Variants in LRPAP1 observed in about 807,000 individuals in gnomAD.
LRPAP1 encodes the protein alpha-2-macroglobulin receptor-associated protein.
Under a neutral mutation model 39.9 loss-of-function variants are expected in LRPAP1, and 41 were observed. That is an observed-to-expected ratio of 1.03 (90% CI 0.80 to 1.33). LRPAP1 has a LOEUF of 1.33. Among genes scored for constraint, LRPAP1 ranks in the 40% most tolerant of loss-of-function variants. The pLI is 0.00. For missense variants in LRPAP1, 565 were observed against 482.3 expected, an observed-to-expected ratio of 1.17 and a Z score of -1.61; for synonymous variants, 263 against 212.7, an observed-to-expected ratio of 1.24 and a Z score of -2.06.
chr4:3,516,138 T>C lies in LRPAP1; in HGVS notation c.812A>G (p.Asp271Gly), dbSNP rs2108688610. Residue 271 changes from aspartate to glycine, a missense_variant, in exon 6 of 8, where the codon GAC becomes GGC. Transcript: ENST00000650182. Reference protein sequence around the residue: ...WDLAQSANLTDKELEAFREEL... With the variant: ...WDLAQSANLTGKELEAFREEL... ...TACCCGGAACGCCTCCAGCTCCTTGTCCGTGAGGTTGGCGGACTGCGCCAG... is the reference window on the plus strand; with the variant it reads ...TACCCGGAACGCCTCCAGCTCCTTGCCCGTGAGGTTGGCGGACTGCGCCAG... The C allele has an allele frequency of 6.3e-7, 1 of 1,580,982 alleles. No individual in the cohort carries two copies. Among genetic ancestry groups the C allele is most frequent in the East Asian group, 2.3e-5 (1 of 43,690 alleles).
intron 5 of LRPAP1, 69 bp downstream of exon 5, chr4:3,517,965 G>C: frequency 2.0e-6 from 3 of 1,522,684 alleles, no homozygotes; most frequent in Non-Finnish European, 2.6e-6. Context: ...GCACCTGCCT[G>C]CTTGTCCCCA....
At chr4:3,531,134 C>T (rs1424866106) in intron 1 of LRPAP1, among the ~76,000 whole-genome samples, 3 of 152,094 alleles carry the variant, frequency 2.0e-5, no homozygotes, top group Admixed American at 1.3e-4. Flanking sequence ...GAGCGTTCTC[C>T]CACCTCCCAC....
Position 3,504,457 on chromosome 4 carries a change from C to G in LRPAP1, c.*8517G>C, listed in dbSNP as rs751643217. ...GGTGAAGTCCTGTCTCTACTAAAAA[C>G]AGAAAAATTAGGCCAGGCATGGTGG... On this transcript the variant is annotated 3_prime_UTR_variant, in exon 8 of 8. Coordinates refer to ENST00000650182, the MANE Select transcript of LRPAP1 (RefSeq NM_002337.4). 1 of 151,116 alleles carries G rather than the reference C, an allele frequency of 6.6e-6. No individual in the cohort carries two copies. Among genetic ancestry groups the G allele is most frequent in the Non-Finnish European group, 1.5e-5 (1 of 67,762 alleles). 9.4% of individuals were successfully genotyped at this position (151,116 alleles called of 1,614,324 possible). A position where few individuals can be genotyped will look rare whatever the true frequency, so the allele number is the denominator to read the frequency against.
chr4:3,518,793 A>T, intron 4 of LRPAP1, 78 bp downstream of exon 4: 1 of 964,492 alleles, frequency 1.0e-6, no homozygotes, highest in Non-Finnish European at 1.5e-6. Flanking sequence ...ACTGAGCACA[A>T]CGAGCCTCAG....
intron 6 of LRPAP1, 130 bp downstream of exon 6, chr4:3,515,986 G>A (rs980319239): frequency 6.6e-6 from 6 of 910,236 alleles, no homozygotes; most frequent in African/African-American, 5.0e-5. Context: ...TCACCGAGTG[G>A]TTAAGGAAGA....
intron 1 of LRPAP1, among the ~76,000 whole-genome samples, chr4:3,530,847 C>T (rs778661776): frequency 2.6e-5 from 4 of 152,106 alleles, no homozygotes; most frequent in Non-Finnish European, 4.4e-5. Context: ...AAAAGGGAGC[C>T]GCTGGGGTTC....
chr4:3,516,054 G>A, intron 6 of LRPAP1, 62 bp downstream of exon 6: 2 of 1,490,290 alleles, frequency 1.3e-6, no homozygotes, highest in East Asian at 2.5e-5. Context: ...TCCTTACCCG[G>A]AAACTGCAAG....
intron 4 of LRPAP1, among the ~76,000 whole-genome samples, chr4:3,518,538 T>C (rs1325811922): frequency 2.0e-5 from 3 of 152,044 alleles, no homozygotes; most frequent in Admixed American, 6.5e-5. Flanking sequence ...AGTCACACAT[T>C]TGGGGAGGGT....
chr4:3,519,658 C>A (rs1423905789), intron 3 of LRPAP1, among the ~76,000 whole-genome samples: 4 of 152,252 alleles, frequency 2.6e-5, no homozygotes, highest in African/African-American at 9.6e-5. Context: ...GCCCCGCACC[C>A]TTCCCAGGCA....
rs553197741 is a variant in LRPAP1 at position 3,504,707 on chromosome 4, G to A, written c.*8267C>T. Reference sequence around the variant, plus strand: ...GGAGGTTGCAGTGAGCCAAGATTGCGCCATTGCACTGCAGCCTGAGCAATT... The same window carrying A: ...GGAGGTTGCAGTGAGCCAAGATTGCACCATTGCACTGCAGCCTGAGCAATT... On this transcript the variant is annotated 3_prime_UTR_variant, in exon 8 of 8. Transcript: ENST00000650182. Among the ~76,000 whole-genome samples, 43 of 129,528 alleles carry A rather than the reference G, an allele frequency of 3.3e-4. No homozygotes were observed. In the East Asian group the frequency reaches 4.3e-3, roughly 13 times the overall value. The allele number at this position is 129,528 out of a possible 152,430, so 85.0% of individuals were successfully genotyped here. A position where few individuals can be genotyped will look rare whatever the true frequency, so the allele number is the denominator to read the frequency against.
At chr4:3,515,864 C>T (rs1327104372) in intron 6 of LRPAP1, 7 of 546,688 alleles carry the variant, frequency 1.3e-5, no homozygotes, top group South Asian at 1.0e-4. Flanking sequence ...CGCACCAAGG[C>T]CACGCTCAGA....
At chr4:3,525,166 T>G in intron 1 of LRPAP1, 115 bp from the exon 2 acceptor site, 2 of 1,190,452 alleles carry the variant, frequency 1.7e-6, no homozygotes, top group African/African-American at 3.0e-5. Context: ...CAGGAAGAGG[T>G]GGAGTCAGGG....
In LRPAP1 at chr4:3,509,230, G is replaced by T. The variant is rs10002108; in HGVS notation, c.*3744C>A. 8.1e-6 allele frequency: 1 copy of T among 123,286 alleles called. No homozygotes were observed. Among genetic ancestry groups the T allele is most frequent in the Non-Finnish European group, 1.8e-5 (1 of 57,050 alleles). 7.6% of individuals were successfully genotyped at this position (123,286 alleles called of 1,614,324 possible). A position where few individuals can be genotyped will look rare whatever the true frequency, so the allele number is the denominator to read the frequency against. Reference sequence around the variant, plus strand: ...CAACGCATGGACACCGGAGACTGTTGAGACGCCGACTGGAGTCACACACGG... The same window carrying T: ...CAACGCATGGACACCGGAGACTGTTTAGACGCCGACTGGAGTCACACACGG... On this transcript the variant is annotated 3_prime_UTR_variant, in exon 8 of 8. Transcript: ENST00000650182.
In LRPAP1 at chr4:3,509,185, C is replaced by G. The variant is rs982742960; in HGVS notation, c.*3789G>C. 2 of 152,326 alleles carry G rather than the reference C, an allele frequency of 1.3e-5. No homozygotes were observed. Among genetic ancestry groups the G allele is most frequent in the Non-Finnish European group, 2.9e-5 (2 of 68,078 alleles). The allele number at this position is 152,326 out of a possible 1,614,324, so 9.4% of individuals were successfully genotyped here. On this transcript the variant is annotated 3_prime_UTR_variant, in exon 8 of 8. Transcript: ENST00000650182. ...GAGAAGTTGAAGATGAACTCAATAC[C>G]TGGAGTCATACATGGCAGTCAACGC...
At chr4:3,518,375 C>T (rs929648948) in intron 4 of LRPAP1, among the ~76,000 whole-genome samples, 183 bp from the exon 5 acceptor site, 2 of 152,334 alleles carry the variant, frequency 1.3e-5, no homozygotes, top group East Asian at 1.9e-4. Flanking sequence ...CCTTTCCAGG[C>T]GAGACAGGCG....
chr4:3,508,012 G>A lies in LRPAP1; in HGVS notation c.*4962C>T, dbSNP rs1729401549. ...GAAACAGAAAATCCAAAAGCCTCAT[G>A]TCTTTTTTTTTGAGACAGAGCCTCG... On this transcript the variant is annotated 3_prime_UTR_variant, in exon 8 of 8. Transcript: ENST00000650182. 6.6e-6 allele frequency: 1 copy of A among 152,154 alleles called. No homozygotes were observed. The highest frequency in any genetic ancestry group is 1.5e-5 in the Non-Finnish European group (1 of 68,022). The allele number at this position is 152,154 out of a possible 1,614,324, so 9.4% of individuals were successfully genotyped here. A position where few individuals can be genotyped will look rare whatever the true frequency, so the allele number is the denominator to read the frequency against.
chr4:3,513,682 G>T (rs1729604854), intron 7 of LRPAP1, among the ~76,000 whole-genome samples: 1 of 152,190 alleles, frequency 6.6e-6, no homozygotes, highest in African/African-American at 2.4e-5. Flanking sequence ...TTCCTCCTCA[G>T]GGCCTGGGAG....
At chr4:3,517,940 T>C (rs1477174807) in intron 5 of LRPAP1, 94 bp downstream of exon 5, 5 of 1,468,944 alleles carry the variant, frequency 3.4e-6, no homozygotes, top group Non-Finnish European at 4.5e-6. Flanking sequence ...CAGGCCCAGG[T>C]TCCCGTCGCT....
rs1729296412 is a variant in LRPAP1, at chr4:3,504,647, G to C, written c.*8327C>G. On this transcript the variant is annotated 3_prime_UTR_variant, in exon 8 of 8. Transcript: ENST00000650182. ...GGCCTGTAATCCCAGCTACTTGCGAGGCTGAGGCAGGAGAATTTCTTGAAC... is the reference window on the plus strand; with the variant it reads ...GGCCTGTAATCCCAGCTACTTGCGACGCTGAGGCAGGAGAATTTCTTGAAC... Among the ~76,000 whole-genome samples, 1 of 151,424 alleles carries C rather than the reference G, an allele frequency of 6.6e-6. No individual in the cohort carries two copies. Among genetic ancestry groups the C allele is most frequent in the Admixed American group, 6.6e-5 (1 of 15,148 alleles).
Sources: allele counts gnomAD v4.1 joint callset (sites outside exome capture counted in the v4.1 genomes callset), GRCh38; gene constraint gnomAD v4.1.1; transcripts MANE v1.5; gene names NCBI Gene and HGNC (gene_info 2026-07-23, HGNC 2026-07-21).